Variants in GALNT2 observed in about 807,000 individuals in gnomAD.
The protein encoded by GALNT2 is UDP-GalNAc:polypeptide N-acetylgalactosaminyltransferase 2.
Under a neutral mutation model 81.4 loss-of-function variants are expected in GALNT2, and 31 were observed. That is an observed-to-expected ratio of 0.38 (90% CI 0.29 to 0.51). GALNT2 has a LOEUF of 0.51. Among genes scored for constraint, GALNT2 ranks in the 20% least tolerant of loss-of-function variants. GALNT2 has a pLI of 0.87. For missense variants in GALNT2, 629 were observed against 765.7 expected (o/e 0.82, Z 2.11); for synonymous variants, 303 against 287.4 (o/e 1.05, Z -0.55).
intron 1 of GALNT2, among the ~76,000 whole-genome samples, chr1:230,112,298 C>T (rs1430801668): frequency 6.6e-6 from 1 of 150,664 alleles, no homozygotes; most frequent in Non-Finnish European, 1.5e-5. Context: ...TGAGTGTTCA[C>T]TCCAGGCGCA....
chr1:230,226,742 A>G (rs1302408087), intron 3 of GALNT2, among the ~76,000 whole-genome samples: 1 of 152,028 alleles, frequency 6.6e-6, no homozygotes, highest in Non-Finnish European at 1.5e-5. Context: ...TCCCCATTTC[A>G]CTCACCCATC....
chr1:230,136,208 CT>C (rs1322157006), intron 1 of GALNT2, among the ~76,000 whole-genome samples: 1 of 152,136 alleles, frequency 6.6e-6, no homozygotes, highest in Non-Finnish European at 1.5e-5. Flanking sequence ...TTTCACTCTT[CT>C]GGGGGTGGGT....
At chr1:230,213,976 C>T (rs933707859) in intron 3 of GALNT2, among the ~76,000 whole-genome samples, 1 of 152,042 alleles carries the variant, frequency 6.6e-6, no homozygotes, top group Admixed American at 6.5e-5. Context: ...ATTTATATTC[C>T]CATTGCTCCT....
chr1:230,253,077 AC>A (rs920163859), intron 10 of GALNT2, among the ~76,000 whole-genome samples: 4 of 151,624 alleles, frequency 2.6e-5, no homozygotes, highest in Non-Finnish European at 5.9e-5. Flanking sequence ...CAAACTCCCA[AC>A]CTCAGGTGAT....
intron 1 of GALNT2, among the ~76,000 whole-genome samples, chr1:230,172,900 A>G (rs535832989): frequency 1.5e-4 from 23 of 152,360 alleles, no homozygotes; most frequent in African/African-American, 5.5e-4. Context: ...ACTTAGAGAT[A>G]GGATGAATTT....
At chr1:230,163,588 A>G (rs996661083) in intron 1 of GALNT2, among the ~76,000 whole-genome samples, 1 of 152,184 alleles carries the variant, frequency 6.6e-6, no homozygotes, top group Non-Finnish European at 1.5e-5. Context: ...GATAGAAAAC[A>G]TGGTTCCTAT....
At chr1:230,159,497 C>T (rs1221204093) in intron 1 of GALNT2, among the ~76,000 whole-genome samples, 5 of 152,118 alleles carry the variant, frequency 3.3e-5, no homozygotes, top group Non-Finnish European at 1.5e-5. Context: ...AAACTAAAGT[C>T]CGGTTAGTTG....
At chr1:230,111,079 C>A (rs963511459) in intron 1 of GALNT2, among the ~76,000 whole-genome samples, 1 of 152,172 alleles carries the variant, frequency 6.6e-6, no homozygotes, top group African/African-American at 2.4e-5. Flanking sequence ...CATATGTACA[C>A]ACTGCATGTG....
chr1:230,218,317 G>A (rs1664448883), intron 3 of GALNT2, among the ~76,000 whole-genome samples: 1 of 152,226 alleles, frequency 6.6e-6, no homozygotes, highest in Non-Finnish European at 1.5e-5. Flanking sequence ...TGAGCAGGGA[G>A]CAGTACAACC....
At chr1:230,129,508 T>C (rs1293305222) in intron 1 of GALNT2, among the ~76,000 whole-genome samples, 1 of 152,094 alleles carries the variant, frequency 6.6e-6, no homozygotes, top group African/African-American at 2.4e-5. Context: ...TTTGTAAAGA[T>C]GGGGTCTTGC....
At chr1:230,152,913 C>T (rs1287819553) in intron 1 of GALNT2, among the ~76,000 whole-genome samples, 1 of 152,200 alleles carries the variant, frequency 6.6e-6, no homozygotes, top group Non-Finnish European at 1.5e-5. Context: ...CTGCCTGTAT[C>T]TATGGCCTTC....
chr1:230,175,574 GCCTCCTCCCCT>G (rs1352973607), intron 1 of GALNT2, among the ~76,000 whole-genome samples: 1 of 55,386 alleles, frequency 1.8e-5, no homozygotes, highest in Non-Finnish European at 3.0e-5. Context: ...CTCCTCCTCT[GCCTCCTCCCCT>G]CCTCGTCCCC....
intron 1 of GALNT2, among the ~76,000 whole-genome samples, chr1:230,113,035 C>G (rs1370510550): frequency 6.6e-6 from 1 of 152,150 alleles, no homozygotes; most frequent in African/African-American, 2.4e-5. Context: ...TCTGTGTGCC[C>G]TCTTGCATGT....
chr1:230,104,585 C>T (rs1184813850), intron 1 of GALNT2, among the ~76,000 whole-genome samples: 2 of 152,152 alleles, frequency 1.3e-5, no homozygotes, highest in East Asian at 1.9e-4. Context: ...TCGTGATGGC[C>T]GCCCACCCTG....
chr1:230,065,129 TG>T (rs1558266272), upstream of GALNT2, among the ~76,000 whole-genome samples: 2 of 152,324 alleles, frequency 1.3e-5, no homozygotes, highest in African/African-American at 4.8e-5. Context: ...CCACTTAACA[TG>T]TATTTTGGTC....
At position 230,280,332 on chromosome 1, in the gene GALNT2, A is replaced by G. The variant is rs564375484; in HGVS notation, c.*874A>G. On this transcript the variant is annotated 3_prime_UTR_variant, in exon 16 of 16. Transcript: ENST00000366672. ...GTTGGGCGTCAGCCTGAGAGTCCCT[A>G]CTGTGCGTCAGAATCCACCTTGCGT... is the stretch of plus-strand genomic sequence containing the variant. 19 of 281,208 alleles carry G rather than the reference A, an allele frequency of 6.8e-5. No homozygotes were observed. Among genetic ancestry groups the G allele is most frequent in the Middle Eastern group, 1.3e-3 (1 of 776 alleles). 17.4% of individuals were successfully genotyped at this position (281,208 alleles called of 1,614,324 possible).
chr1:230,071,504 C>T (rs1429216206), intron 1 of GALNT2, among the ~76,000 whole-genome samples: 1 of 152,204 alleles, frequency 6.6e-6, no homozygotes, highest in Non-Finnish European at 1.5e-5. Flanking sequence ...CTGAGCTCCA[C>T]TGCTCTCCCT....
chr1:230,151,527 C>T (rs189034992), intron 1 of GALNT2, among the ~76,000 whole-genome samples: 89 of 152,304 alleles, frequency 5.8e-4, no homozygotes, highest in Middle Eastern at 3.4e-3. Context: ...TACCCGGCCT[C>T]CCCAAGATAG....
At chr1:230,067,580 C>A (rs1271694477) in intron 1 of GALNT2, among the ~76,000 whole-genome samples, 174 bp downstream of exon 1, 1 of 151,822 alleles carries the variant, frequency 6.6e-6, no homozygotes, top group Non-Finnish European at 1.5e-5. Context: ...TGCACCCGGC[C>A]CCTCTGCGCA....
Sources: allele counts gnomAD v4.1 joint callset (sites outside exome capture counted in the v4.1 genomes callset), GRCh38; gene constraint gnomAD v4.1.1; transcripts MANE v1.5; gene names NCBI Gene and HGNC (gene_info 2026-07-23, HGNC 2026-07-21).